The following FIRRM variants were observed in gnomAD, a reference collection of about 807,000 sequenced individuals.
The protein encoded by FIRRM is FIGNL1-interacting regulator of recombination and mitosis.
At chr1:169,806,140 C>G in the FIRRM span, 4 of 1,027,680 alleles carry the variant, frequency 3.9e-6, no homozygotes, top group East Asian at 7.4e-5. Flanking sequence ...CCATATTCCC[C>G]AATCTTAATT....
the FIRRM span, among the ~76,000 whole-genome samples, chr1:169,790,167 C>G: frequency 6.6e-6 from 1 of 151,658 alleles, no homozygotes; most frequent in African/African-American, 2.4e-5. Flanking sequence ...GATACCCCCA[C>G]ATTTATCTTT....
chr1:169,850,281 A>G, the FIRRM span: 1 of 1,609,544 alleles, frequency 6.2e-7, no homozygotes, highest in South Asian at 1.1e-5. Flanking sequence ...AATCATGAAG[A>G]GATAGTTCCA....
the FIRRM span, among the ~76,000 whole-genome samples, chr1:169,785,120 A>T: frequency 6.6e-6 from 1 of 152,168 alleles, no homozygotes; most frequent in African/African-American, 2.4e-5. Flanking sequence ...GAGATGGGAG[A>T]GTTCTCTGGC....
At chr1:169,790,966 G>C in the FIRRM span, among the ~76,000 whole-genome samples, 1 of 152,200 alleles carries the variant, frequency 6.6e-6, no homozygotes, top group Non-Finnish European at 1.5e-5. Context: ...TTCCACCTCA[G>C]ATCATCAGGC....
At chr1:169,838,210 A>C in the FIRRM span, among the ~76,000 whole-genome samples, 4 of 152,146 alleles carry the variant, frequency 2.6e-5, no homozygotes, top group African/African-American at 9.7e-5. Context: ...AAGTGCTGGG[A>C]TTACAGGTGT....
chr1:169,848,420 C>G, the FIRRM span, among the ~76,000 whole-genome samples: 1 of 152,174 alleles, frequency 6.6e-6, no homozygotes, highest in Admixed American at 6.5e-5. Flanking sequence ...TAGTAATTGA[C>G]ACTTCAATCT....
the FIRRM span, among the ~76,000 whole-genome samples, chr1:169,838,338 G>A: frequency 6.6e-6 from 1 of 152,130 alleles, no homozygotes. Flanking sequence ...CATTTAATGT[G>A]TACCAATTTC....
At chr1:169,800,519 A>G in the FIRRM span, among the ~76,000 whole-genome samples, 2 of 152,158 alleles carry the variant, frequency 1.3e-5, no homozygotes, top group African/African-American at 4.8e-5. Context: ...CTGCCAGCCT[A>G]TCCATCATTC....
the FIRRM span, chr1:169,829,487 C>A: frequency 6.6e-7 from 1 of 1,525,272 alleles, no homozygotes. Context: ...TAAGGTTACA[C>A]TTTTGCTTTC....
chr1:169,852,966 T>TTACA, the FIRRM span: 1 of 1,614,052 alleles, frequency 6.2e-7, no homozygotes, highest in East Asian at 2.2e-5. Flanking sequence ...AGCTAAAACG[T>TTACA]TACATACATA....
the FIRRM span, chr1:169,803,411 A>G: frequency 2.6e-6 from 3 of 1,145,772 alleles, no homozygotes; most frequent in Non-Finnish European, 3.5e-6. Flanking sequence ...AGTCTATATT[A>G]TTGAAATAAA....
chr1:169,853,828 C>A, the FIRRM span: 1 of 1,588,748 alleles, frequency 6.3e-7, no homozygotes, highest in Non-Finnish European at 8.6e-7. Context: ...ATGCAAAAAT[C>A]ATACGCAAAT....
At chr1:169,851,077 A>G in the FIRRM span, 15 of 36,500 alleles carry the variant, frequency 4.1e-4, 1 homozygote, top group African/African-American at 2.1e-3. Flanking sequence ...TTTTTTTGGC[A>G]TGGCTTTTTT....
chr1:169,849,926 C>G, the FIRRM span: 1 of 460,788 alleles, frequency 2.2e-6, no homozygotes, highest in East Asian at 3.9e-5. Flanking sequence ...TTTGTGCTAT[C>G]AGTCATAAGG....
the FIRRM span, among the ~76,000 whole-genome samples, chr1:169,827,404 G>A: frequency 6.6e-6 from 1 of 152,146 alleles, no homozygotes; most frequent in South Asian, 2.1e-4. Flanking sequence ...TTGGGAGGCC[G>A]AGGTGGGCAG....
the FIRRM span, chr1:169,852,651 G>C: frequency 1.3e-6 from 1 of 798,520 alleles, no homozygotes; most frequent in Non-Finnish European, 2.0e-6. Context: ...TGACTGTGTA[G>C]GGGTTTTGGG....
the FIRRM span, among the ~76,000 whole-genome samples, chr1:169,794,066 C>T: frequency 1.3e-5 from 2 of 151,290 alleles, no homozygotes; most frequent in Middle Eastern, 3.4e-3. Flanking sequence ...GATTTGGACA[C>T]TCATACACAC....
chr1:169,795,465 A>G, the FIRRM span: 2 of 1,281,726 alleles, frequency 1.6e-6, no homozygotes, highest in South Asian at 2.3e-5. Flanking sequence ...TTAGCAGTGG[A>G]TGTGGCGTTT....
At chr1:169,813,191 A>T in the FIRRM span, among the ~76,000 whole-genome samples, 1 of 152,252 alleles carries the variant, frequency 6.6e-6, no homozygotes, top group African/African-American at 2.4e-5. Context: ...GGAACAACCA[A>T]TATTTATTGA....
Sources: gnomAD v4.1 joint callset for allele counts (sites outside exome capture counted in the v4.1 genomes callset) on GRCh38, gnomAD v4.1.1 for gene constraint, MANE v1.5 for transcripts, NCBI Gene and HGNC (gene_info 2026-07-23, HGNC 2026-07-21) for gene names.